Variants in FBXL13 observed in about 807,000 individuals in gnomAD.
FBXL13 encodes F-box and leucine-rich repeat protein 13.
Under a neutral mutation model 83.6 loss-of-function variants are expected in FBXL13, and 67 were observed. That is an observed-to-expected ratio of 0.80 (90% CI 0.66 to 0.98). FBXL13 has a LOEUF of 0.98. Among genes scored for constraint, FBXL13 ranks in the 50% least tolerant of loss-of-function variants. The pLI, the probability that FBXL13 is intolerant of heterozygous loss-of-function variation, is 0.00. For synonymous variants in FBXL13, 272 were observed against 299.5 expected (o/e 0.91, Z 0.95); for missense variants, 822 against 866.5 (o/e 0.95, Z 0.64).
chr7:103,019,236 T>G (rs1406979388), intron 6 of FBXL13, among the ~76,000 whole-genome samples: 1 of 152,024 alleles, frequency 6.6e-6, no homozygotes, highest in African/African-American at 2.4e-5. Flanking sequence ...GGGTACATAA[T>G]GAAATGAAGG....
chr7:103,009,556 A>C (rs945515790), intron 6 of FBXL13, among the ~76,000 whole-genome samples: 2 of 152,234 alleles, frequency 1.3e-5, no homozygotes, highest in Non-Finnish European at 2.9e-5. Context: ...CTGAGGCAGA[A>C]AGCCAGTCAG....
chr7:102,967,762 T>C (rs1267652722), intron 7 of FBXL13, among the ~76,000 whole-genome samples: 1 of 152,242 alleles, frequency 6.6e-6, no homozygotes, highest in Non-Finnish European at 1.5e-5. Flanking sequence ...AAAATGGAGC[T>C]TTGTTTCAAT....
chr7:102,970,221 A>C (rs1585183004), intron 6 of FBXL13, among the ~76,000 whole-genome samples: 1 of 152,212 alleles, frequency 6.6e-6, no homozygotes, highest in East Asian at 1.9e-4. Flanking sequence ...ACTGCACTCC[A>C]GCCTGGGCAA....
chr7:102,895,190 T>C (rs1428729243), intron 11 of FBXL13, among the ~76,000 whole-genome samples: 2 of 152,256 alleles, frequency 1.3e-5, no homozygotes, highest in East Asian at 1.9e-4. Context: ...CAGCTTGGAA[T>C]AGGGCAAGGA....
chr7:103,072,044 A>G (rs1458316072), intron 1 of FBXL13, among the ~76,000 whole-genome samples: 1 of 151,872 alleles, frequency 6.6e-6, no homozygotes, highest in Non-Finnish European at 1.5e-5. Context: ...TTAGCTGAGC[A>G]TGGTGGCAGG....
intron 2 of FBXL13, among the ~76,000 whole-genome samples, chr7:103,034,050 C>T (rs1367309177): frequency 2.0e-5 from 3 of 152,234 alleles, no homozygotes; most frequent in Non-Finnish European, 2.9e-5. Flanking sequence ...GAGCTAGACA[C>T]AGGGTGCTGA....
intron 8 of FBXL13, among the ~76,000 whole-genome samples, chr7:102,932,176 A>T (rs915533331): frequency 8.5e-5 from 13 of 152,190 alleles, no homozygotes; most frequent in Non-Finnish European, 1.6e-4. Flanking sequence ...AGAGAAAAAT[A>T]TTACTTTGGG....
intron 17 of FBXL13, among the ~76,000 whole-genome samples, chr7:102,851,599 A>G (rs1805271173): frequency 1.5e-5 from 2 of 132,934 alleles, no homozygotes; most frequent in Non-Finnish European, 3.2e-5. Context: ...CTCTCTTTCT[A>G]TTCCTACTTT....
intron 18 of FBXL13, among the ~76,000 whole-genome samples, chr7:102,831,424 CACA>C: frequency 6.6e-6 from 1 of 151,652 alleles, no homozygotes; most frequent in African/African-American, 2.4e-5. Flanking sequence ...CACACACACA[CACA>C]CACACCCCAC....
chr7:103,001,919 C>A (rs1413597238), intron 6 of FBXL13, among the ~76,000 whole-genome samples: 1 of 152,144 alleles, frequency 6.6e-6, no homozygotes, highest in Non-Finnish European at 1.5e-5. Context: ...GACTTGTAAT[C>A]ATGAGAACCA....
At chr7:102,819,339 G>T (rs1435302570) in intron 19 of FBXL13, among the ~76,000 whole-genome samples, 1 of 151,984 alleles carries the variant, frequency 6.6e-6, no homozygotes, top group Non-Finnish European at 1.5e-5. Flanking sequence ...GGTGCTTCTG[G>T]GGTCACTTCC....
At chr7:102,924,170 G>A (rs1584960223) in intron 10 of FBXL13, among the ~76,000 whole-genome samples, 1 of 150,452 alleles carries the variant, frequency 6.6e-6, no homozygotes, top group African/African-American at 2.4e-5. Context: ...CCTGGGAGGC[G>A]AAGGTTGCGG....
At chr7:103,074,315 T>A in exon 1 of FBXL13, 2 of 1,019,654 alleles carry the variant, frequency 2.0e-6, no homozygotes, top group Non-Finnish European at 2.4e-6. Context: ...ACATTCTTCA[T>A]AATGCCAGTC....
At chr7:103,033,922 C>A (rs952773805) in intron 2 of FBXL13, among the ~76,000 whole-genome samples, 2 of 151,964 alleles carry the variant, frequency 1.3e-5, no homozygotes, top group African/African-American at 4.8e-5. Context: ...GAGCTAGACA[C>A]AAAGGTTCTC....
chr7:102,934,439 T>G, intron 8 of FBXL13: 1 of 1,614,184 alleles, frequency 6.2e-7, no homozygotes, highest in Non-Finnish European at 8.5e-7. Context: ...AACGCTTATT[T>G]CAATGTTGCA....
At chr7:102,813,266 A>G in exon 20 of FBXL13, 1 of 1,310,186 alleles carries the variant, frequency 7.6e-7, no homozygotes, top group Non-Finnish European at 1.1e-6. Flanking sequence ...AGATTCAGCT[A>G]GTAAACATAC....
intron 10 of FBXL13, among the ~76,000 whole-genome samples, chr7:102,925,900 C>T (rs929010783): frequency 5.3e-5 from 8 of 149,832 alleles, no homozygotes; most frequent in Admixed American, 4.6e-4. Context: ...AAGATCATGC[C>T]ACTGCACTGC....
At chr7:102,993,575 G>A (rs1215255440) in intron 6 of FBXL13, among the ~76,000 whole-genome samples, 1 of 151,816 alleles carries the variant, frequency 6.6e-6, no homozygotes, top group African/African-American at 2.4e-5. Flanking sequence ...GCTTTTCTCT[G>A]TGTTGCTTGC....
intron 1 of FBXL13, among the ~76,000 whole-genome samples, chr7:103,065,060 A>C (rs1432761890): frequency 6.6e-6 from 1 of 152,214 alleles, no homozygotes; most frequent in African/African-American, 2.4e-5. Flanking sequence ...AAGTGCTTTA[A>C]CTGGTTGCAT....
Sources: allele counts gnomAD v4.1 joint callset (sites outside exome capture counted in the v4.1 genomes callset), GRCh38; gene constraint gnomAD v4.1.1; transcripts MANE v1.5; gene names NCBI Gene and HGNC (gene_info 2026-07-23, HGNC 2026-07-21).